CDH23: variants seen among roughly 807,000 people sequenced by gnomAD.
The protein encoded by CDH23 is cadherin related 23, also known as cadherin-23.
CDH23 carries 189 observed loss-of-function variants against 317.1 expected under a neutral mutation model. The ratio of observed to expected loss-of-function variants is 0.60; its 90% confidence interval spans 0.53 to 0.67. CDH23 has a LOEUF of 0.67. Ranked by LOEUF, CDH23 falls within the 30% of genes least tolerant of loss-of-function variation. CDH23 has a pLI of 0.00. For missense variants in CDH23, 4,401 were observed against 4,592.4 expected, an observed-to-expected ratio of 0.96 and a Z score of 1.20; for synonymous variants, 1,839 against 1,876.8, an observed-to-expected ratio of 0.98 and a Z score of 0.52.
chr10:71,471,287 C>T (rs538275117), intron 3 of CDH23, among the ~76,000 whole-genome samples: 2 of 152,300 alleles, frequency 1.3e-5, no homozygotes, highest in East Asian at 1.9e-4. Flanking sequence ...CTCACTCTGC[C>T]GAGTTCAGCA....
chr10:71,609,146 G>C (rs996781185), intron 9 of CDH23, among the ~76,000 whole-genome samples: 4 of 152,000 alleles, frequency 2.6e-5, no homozygotes, highest in Non-Finnish European at 5.9e-5. Context: ...GCGTGAAGGG[G>C]GGTAGCCTTC....
chr10:71,674,110 G>A (rs1016184585), intron 14 of CDH23, among the ~76,000 whole-genome samples: 3 of 152,224 alleles, frequency 2.0e-5, no homozygotes, highest in Non-Finnish European at 4.4e-5. Flanking sequence ...GCATCTTTCT[G>A]TATAGCCAAG....
intron 11 of CDH23, among the ~76,000 whole-genome samples, chr10:71,627,416 G>A (rs1382283322): frequency 2.6e-5 from 4 of 152,164 alleles, no homozygotes; most frequent in Non-Finnish European, 5.9e-5. Flanking sequence ...TCTGTCCATG[G>A]CCGCATCCTA....
chr10:71,541,913 C>T (rs1485514579), intron 6 of CDH23, among the ~76,000 whole-genome samples: 3 of 152,178 alleles, frequency 2.0e-5, no homozygotes, highest in Non-Finnish European at 4.4e-5. Context: ...TGATTTTTTG[C>T]TAAGCACTTA....
intron 38 of CDH23, chr10:71,750,933 C>G (rs570787230): frequency 6.8e-6 from 2 of 293,718 alleles, no homozygotes; most frequent in African/African-American, 4.4e-5. Context: ...TGTCTCAGAA[C>G]GAGAGCTGCT....
At chr10:71,554,473 T>C (rs1856774195) in intron 6 of CDH23, among the ~76,000 whole-genome samples, 1 of 151,934 alleles carries the variant, frequency 6.6e-6, no homozygotes, top group African/African-American at 2.4e-5. Flanking sequence ...GCTAGTCTTT[T>C]TCTTATTTAA....
At chr10:71,693,317 T>C (rs1043156376) in intron 20 of CDH23, among the ~76,000 whole-genome samples, 1 of 152,092 alleles carries the variant, frequency 6.6e-6, no homozygotes, top group Non-Finnish European at 1.5e-5. Flanking sequence ...TGTCAAACAT[T>C]TACCAGCACG....
chr10:71,779,871 C>G (rs1053590785), intron 41 of CDH23, among the ~76,000 whole-genome samples: 1 of 152,258 alleles, frequency 6.6e-6, no homozygotes, highest in Admixed American at 6.5e-5. Context: ...CACCCATTCA[C>G]AGCCCTCTCC....
chr10:71,522,806 G>C (rs1189619122), intron 6 of CDH23, among the ~76,000 whole-genome samples: 1 of 152,150 alleles, frequency 6.6e-6, no homozygotes, highest in African/African-American at 2.4e-5. Context: ...AAGTTGGATA[G>C]AGAGGAAGGA....
At chr10:71,754,683 C>T (rs1392903441) in intron 38 of CDH23, among the ~76,000 whole-genome samples, 2 of 152,202 alleles carry the variant, frequency 1.3e-5, no homozygotes, top group African/African-American at 4.8e-5. Context: ...CCCTCTGTGC[C>T]TCCGTTTGCC....
intron 38 of CDH23, chr10:71,748,233 GA>G: frequency 6.6e-6 from 1 of 152,540 alleles, no homozygotes; most frequent in East Asian, 1.9e-4. Flanking sequence ...AGCACCCCCT[GA>G]AAAAGGCCAT....
intron 3 of CDH23, among the ~76,000 whole-genome samples, chr10:71,491,913 G>A (rs573414092): frequency 4.6e-4 from 70 of 152,236 alleles, no homozygotes; most frequent in African/African-American, 1.5e-3. Context: ...TTCCCCACTC[G>A]AGCACACGCA....
rs1265719839 is a variant in CDH23 at position 71,798,434 on chromosome 10, C to T, written c.6910C>T (p.Arg2304Trp). ...KPFGITYYME[R>W]ILEGATPGTT... Reference sequence around the variant, plus strand: ...CTTTGGGATCACCTACTACATGGAGCGGATCCTGGAGGGGGCCACCCCTGG... The same window carrying T: ...CTTTGGGATCACCTACTACATGGAGTGGATCCTGGAGGGGGCCACCCCTGG... The change falls in exon 50 of 70, where the codon CGG (arginine) becomes TGG (tryptophan). Residue 2304 changes from arginine (R) to tryptophan (W), a missense_variant. Transcript: ENST00000224721. The T allele has an allele frequency of 5.0e-6, 8 of 1,613,890 alleles. No homozygotes were observed. Among genetic ancestry groups the T allele is most frequent in the South Asian group, 2.2e-5 (2 of 91,078 alleles).
chr10:71,427,195 G>GAAAGAAAGAAAGAAAGAA (rs1554823329), intron 1 of CDH23, among the ~76,000 whole-genome samples: 2 of 98,948 alleles, frequency 2.0e-5, no homozygotes, highest in Non-Finnish European at 2.0e-5. Context: ...AGGAAGGAAA[G>GAAAGAAAGAAAGAAAGAA]AGAAAGAAAG....
intron 1 of CDH23, among the ~76,000 whole-genome samples, chr10:71,434,804 A>T (rs1213862324): frequency 2.0e-5 from 3 of 152,144 alleles, no homozygotes; most frequent in Non-Finnish European, 4.4e-5. Context: ...CTCACCCCTG[A>T]TGGAGCATGC....
chr10:71,784,054 G>A (rs1311376807), intron 41 of CDH23, among the ~76,000 whole-genome samples: 1 of 152,186 alleles, frequency 6.6e-6, no homozygotes, highest in Non-Finnish European at 1.5e-5. Flanking sequence ...ATGAGGGCAT[G>A]AGTGGCCCGT....
chr10:71,475,251 C>T (rs1331713483), intron 3 of CDH23, among the ~76,000 whole-genome samples: 2 of 152,202 alleles, frequency 1.3e-5, no homozygotes, highest in Non-Finnish European at 2.9e-5. Flanking sequence ...CAGGAGCTGC[C>T]CAGGAGCGTC....
intron 6 of CDH23, among the ~76,000 whole-genome samples, chr10:71,535,507 A>C (rs1433129547): frequency 6.6e-6 from 1 of 152,204 alleles, no homozygotes; most frequent in Non-Finnish European, 1.5e-5. Flanking sequence ...ACGCCAAGGA[A>C]AATGCCTCAT....
chr10:71,571,124 C>A (rs1857774909), intron 8 of CDH23, among the ~76,000 whole-genome samples: 1 of 152,322 alleles, frequency 6.6e-6, no homozygotes, highest in Non-Finnish European at 1.5e-5. Context: ...CTCACTCTAC[C>A]CAAGGGGCTC....
Sources: allele counts gnomAD v4.1 joint callset (sites outside exome capture counted in the v4.1 genomes callset), GRCh38; gene constraint gnomAD v4.1.1; transcripts MANE v1.5; gene names NCBI Gene and HGNC (gene_info 2026-07-23, HGNC 2026-07-21).